Variants in SCN8A observed in about 807,000 individuals in gnomAD.
SCN8A encodes the protein sodium channel protein type 8 subunit alpha.
SCN8A carries 30 observed loss-of-function variants against 184.1 expected under a neutral mutation model. The ratio of observed to expected loss-of-function variants is 0.16; its 90% CI spans 0.12 to 0.22. The LOEUF (loss-of-function observed/expected upper bound fraction) is 0.22, where lower values mean the gene tolerates loss of function less well. SCN8A is among the 10% of genes least tolerant of loss of function. SCN8A has a pLI of 1.00. For missense variants in SCN8A, 1,057 were observed against 2,498.9 expected (o/e 0.42, Z 12.30); for synonymous variants, 852 against 907.0 (o/e 0.94, Z 1.09).
chr12:51,594,072 G>A (rs542582860), intron 1 of SCN8A, among the ~76,000 whole-genome samples: 3 of 152,200 alleles, frequency 2.0e-5, no homozygotes, highest in South Asian at 4.2e-4. Flanking sequence ...TACTAAAGTC[G>A]ATTTATCCAA....
chr12:51,732,530 T>C (rs1942260191), intron 12 of SCN8A, among the ~76,000 whole-genome samples: 2 of 152,330 alleles, frequency 1.3e-5, no homozygotes, highest in South Asian at 4.1e-4. Context: ...TTCTTGTTGC[T>C]CAGGATTGCT....
At chr12:51,736,521 G>C (rs1199871169) in intron 12 of SCN8A, among the ~76,000 whole-genome samples, 3 of 152,218 alleles carry the variant, frequency 2.0e-5, no homozygotes, top group Non-Finnish European at 2.9e-5. Flanking sequence ...TCCAGGTAAT[G>C]CTATATCTGC....
intron 11 of SCN8A, among the ~76,000 whole-genome samples, 153 bp downstream of exon 11, chr12:51,706,868 A>G (rs1941794742): frequency 6.6e-6 from 1 of 151,838 alleles, no homozygotes; most frequent in African/African-American, 2.4e-5. Context: ...CATCCCCTCT[A>G]TCCCCTCTTC....
intron 1 of SCN8A, among the ~76,000 whole-genome samples, chr12:51,658,988 A>G (rs1288712471): frequency 6.6e-6 from 1 of 152,172 alleles, no homozygotes; most frequent in Non-Finnish European, 1.5e-5. Flanking sequence ...ACTCCTAGCT[A>G]TATGCCAAAA....
chr12:51,694,871 TG>T (rs1339781676), intron 6 of SCN8A, among the ~76,000 whole-genome samples: 3 of 152,192 alleles, frequency 2.0e-5, no homozygotes, highest in Non-Finnish European at 4.4e-5. Flanking sequence ...CTGGCAAGAC[TG>T]TAGAGCTTGA....
rs538139902 is a variant in SCN8A at position 51,726,125 on chromosome 12, TATTC to T, written c.1998+4219_1998+4222del. The stretch of plus-strand genomic sequence containing the variant: ...AAAATTATTTTATATCTTCATTAGT[TATTC>T]AGTTGTGATTGAGTGTTGAGATTTT... On this transcript the variant is annotated intron_variant, in intron 12 of 26. Transcript: ENST00000627620. Among the ~76,000 whole-genome samples the T allele has an allele frequency of 5.9e-3, 901 of 152,388 alleles. 10 individuals carry two copies. The highest frequency in any genetic ancestry group is 0.02 in the African/African-American group (851 of 41,590).
chr12:51,768,324 G>A (rs1942868754), intron 16 of SCN8A, among the ~76,000 whole-genome samples: 2 of 152,116 alleles, frequency 1.3e-5, no homozygotes, highest in East Asian at 1.9e-4. Flanking sequence ...TTGCTAAAGC[G>A]ATTTTATTTT....
At chr12:51,601,791 A>T (rs974252985) in intron 1 of SCN8A, among the ~76,000 whole-genome samples, 2 of 149,758 alleles carry the variant, frequency 1.3e-5, no homozygotes, top group African/African-American at 2.5e-5. Flanking sequence ...GATGTCACTT[A>T]CATGCCCCAC....
chr12:51,629,481 CA>C (rs1228562365), intron 1 of SCN8A, among the ~76,000 whole-genome samples: 2 of 150,090 alleles, frequency 1.3e-5, no homozygotes, highest in Non-Finnish European at 2.9e-5. Flanking sequence ...AGGACAAAGT[CA>C]CACAGGTATA....
At chr12:51,699,162 C>T (rs1027990680) in intron 6 of SCN8A, among the ~76,000 whole-genome samples, 3 of 152,106 alleles carry the variant, frequency 2.0e-5, no homozygotes, top group Non-Finnish European at 2.9e-5. Flanking sequence ...TAAACTGGGC[C>T]TTGAAGGATG....
At chr12:51,777,567 A>G (rs1446186820) in intron 20 of SCN8A, among the ~76,000 whole-genome samples, 3 of 152,210 alleles carry the variant, frequency 2.0e-5, no homozygotes, top group Admixed American at 6.5e-5. Context: ...TCAGAGGATT[A>G]TAAGAGAGCC....
chr12:51,635,262 A>T (rs1431110898), intron 1 of SCN8A, among the ~76,000 whole-genome samples: 1 of 152,124 alleles, frequency 6.6e-6, no homozygotes, highest in East Asian at 1.9e-4. Flanking sequence ...TCTACAACAC[A>T]CTTGCCCCTA....
rs1009369220 is a variant in SCN8A, at chr12:51,721,835, C to T, written c.1925C>T (p.Thr642Met). The change falls in exon 12 of 27, where the codon ACG becomes ATG. Residue 642 changes from threonine (T) to methionine (M), a missense_variant. This residue lies in a region of SCN8A where 322 missense variants were observed against 390.1 expected (regional missense o/e 0.83). Coordinates refer to ENST00000627620, the MANE Select transcript of SCN8A (RefSeq NM_001330260.2). ...SLRRSVKRNSTVDCNGVVSLI... is the reference protein window; with the variant it reads ...SLRRSVKRNSMVDCNGVVSLI... ...CGGCGCAGCGTGAAGCGCAACAGCA[C>T]GGTGGACTGCAACGGCGTGGTGTCC... 5.6e-6 allele frequency: 9 copies of T among 1,605,412 alleles called. No homozygotes were observed. The highest frequency in any genetic ancestry group is 2.2e-5 in the East Asian group (1 of 44,878).
chr12:51,643,491 GT>G lies in SCN8A; in HGVS notation c.-54-19272del. Among the ~76,000 whole-genome samples the G allele has an allele frequency of 2.6e-5, 4 of 152,282 alleles. No individual in the cohort carries two copies. In the Middle Eastern group the frequency reaches 0.014, roughly 518 times the overall value. ...ACTTTGATGTATCTTCTTTACTTCT[GT>G]GTATTTGGGCATGTCTATTTCAAGA... On this transcript the variant is annotated intron_variant, in intron 1 of 26. Transcript: ENST00000627620.
chr12:51,775,722 G>T (rs1379945029), intron 20 of SCN8A, among the ~76,000 whole-genome samples: 1 of 152,178 alleles, frequency 6.6e-6, no homozygotes, highest in Non-Finnish European at 1.5e-5. Flanking sequence ...TCTGGAGAAA[G>T]GGCAAGTGCC....
chr12:51,648,099 C>T (rs952723694), intron 1 of SCN8A, among the ~76,000 whole-genome samples: 1 of 152,200 alleles, frequency 6.6e-6, no homozygotes. Context: ...AGGCCAAATA[C>T]ATCTACAGGA....
At chr12:51,680,971 T>C (rs1432971635) in intron 2 of SCN8A, among the ~76,000 whole-genome samples, 1 of 152,016 alleles carries the variant, frequency 6.6e-6, no homozygotes, top group East Asian at 1.9e-4. Flanking sequence ...GCCATTGCAC[T>C]CCAACCTGGG....
chr12:51,619,250 A>G (rs540583724), intron 1 of SCN8A, among the ~76,000 whole-genome samples: 1 of 152,242 alleles, frequency 6.6e-6, no homozygotes, highest in Non-Finnish European at 1.5e-5. Context: ...ATGCCATTAA[A>G]TGGATATACT....
At chr12:51,649,148 C>T (rs1306530994) in intron 1 of SCN8A, among the ~76,000 whole-genome samples, 1 of 152,160 alleles carries the variant, frequency 6.6e-6, no homozygotes, top group Non-Finnish European at 1.5e-5. Flanking sequence ...TGACTCAAGG[C>T]CTCATGTCCA....
Sources: allele counts gnomAD v4.1 joint callset (sites outside exome capture counted in the v4.1 genomes callset), GRCh38; gene constraint gnomAD v4.1.1; regional missense constraint gnomAD v4.1.1; transcripts MANE v1.5; gene names NCBI Gene and HGNC (gene_info 2026-07-23, HGNC 2026-07-21).